Variants in MTHFD2L observed in about 807,000 individuals in gnomAD.
The protein encoded by MTHFD2L is bifunctional methylenetetrahydrofolate dehydrogenase/cyclohydrolase 2, mitochondrial.
A neutral mutation model predicts 34.9 loss-of-function variants in MTHFD2L; 29 were observed. The ratio of observed to expected loss-of-function variants is 0.83; its 90% CI spans 0.62 to 1.13. MTHFD2L has a LOEUF of 1.13. MTHFD2L is among the 50% of genes most tolerant of loss of function. The pLI is 0.00. For missense variants in MTHFD2L, 481 were observed against 446.5 expected, an observed-to-expected ratio of 1.08 and a Z score of -0.70; for synonymous variants, 167 against 155.7, an observed-to-expected ratio of 1.07 and a Z score of -0.54.
chr4:74,237,569 G>A lies in MTHFD2L; in HGVS notation c.805+12175G>A, dbSNP rs13131607. Among the ~76,000 whole-genome samples, 799 of 152,222 alleles carry A rather than the reference G, an allele frequency of 5.2e-3. 1 individual carries two copies. Among genetic ancestry groups the A allele is most frequent in the Middle Eastern group, 0.014 (4 of 294 alleles). On this transcript the variant is annotated intron_variant, in intron 6 of 7. Coordinates refer to ENST00000325278, the MANE Select transcript of MTHFD2L (RefSeq NM_001144978.3). ...GAGGCTGTGGCAGTGAGCTGAGATCGCATCACTGCACTCCTGCCTGGGTGA... is the reference window on the plus strand; with the variant it reads ...GAGGCTGTGGCAGTGAGCTGAGATCACATCACTGCACTCCTGCCTGGGTGA...
chr4:74,235,735 G>A (rs1046934849), intron 6 of MTHFD2L, among the ~76,000 whole-genome samples: 3 of 152,076 alleles, frequency 2.0e-5, no homozygotes, highest in Non-Finnish European at 4.4e-5. Context: ...TATACCTAGT[G>A]CCAATGAAAG....
At chr4:74,134,238 C>G (rs1333817281) in intron 1 of MTHFD2L, among the ~76,000 whole-genome samples, 1 of 152,086 alleles carries the variant, frequency 6.6e-6, no homozygotes, top group Admixed American at 6.6e-5. Context: ...CATCCTCAGC[C>G]GTAAAAACTC....
intron 3 of MTHFD2L, among the ~76,000 whole-genome samples, chr4:74,177,193 TATATC>T (rs954369683): frequency 1.3e-5 from 2 of 151,958 alleles, no homozygotes; most frequent in African/African-American, 4.8e-5. Context: ...GCAGCACTCT[TATATC>T]ATAGGAAAAT....
chr4:74,278,773 G>T (rs1264229347), intron 6 of MTHFD2L, among the ~76,000 whole-genome samples: 1 of 152,062 alleles, frequency 6.6e-6, no homozygotes, highest in Non-Finnish European at 1.5e-5. Flanking sequence ...CAGTCCCACC[G>T]CTGGCCTAGA....
At position 74,199,778 on chromosome 4, in the gene MTHFD2L, T is replaced by G; in HGVS notation, c.452-16T>G. The G allele has an allele frequency of 6.3e-7, 1 of 1,576,138 alleles. No homozygotes were observed. The highest frequency in any genetic ancestry group is 8.6e-7 in the Non-Finnish European group (1 of 1,163,214). On this transcript the variant is annotated splice_polypyrimidine_tract_variant and intron_variant, in intron 3 of 7. Coordinates refer to ENST00000325278, the MANE Select transcript of MTHFD2L (RefSeq NM_001144978.3). Reference sequence around the variant, plus strand: ...ATAACAATTTTAAAATTAGACAAATTTTATTTATTTTTCAGACCACGTTGA... The same window carrying G: ...ATAACAATTTTAAAATTAGACAAATGTTATTTATTTTTCAGACCACGTTGA...
chr4:74,154,050 T>C (rs1724098707), upstream of MTHFD2L, among the ~76,000 whole-genome samples: 1 of 152,242 alleles, frequency 6.6e-6, no homozygotes, highest in East Asian at 1.9e-4. Flanking sequence ...TCTTAGACTT[T>C]CCTTGTTTTT....
At chr4:74,166,574 C>A (rs1043643938) in intron 1 of MTHFD2L, among the ~76,000 whole-genome samples, 1 of 152,190 alleles carries the variant, frequency 6.6e-6, no homozygotes, top group African/African-American at 2.4e-5. Flanking sequence ...CCCATTTGGT[C>A]TGTTTGTTGA....
chr4:74,228,738 A>G (rs1290368140), intron 6 of MTHFD2L, among the ~76,000 whole-genome samples: 3 of 152,236 alleles, frequency 2.0e-5, no homozygotes, highest in African/African-American at 7.2e-5. Context: ...ACAGGAAAAG[A>G]AAAAGAAAAG....
chr4:74,243,964 C>T (rs549968278), intron 6 of MTHFD2L, among the ~76,000 whole-genome samples: 14 of 152,256 alleles, frequency 9.2e-5, no homozygotes, highest in African/African-American at 2.6e-4. Context: ...GTAGGTGTGA[C>T]GGAACAATCT....
chr4:74,231,932 A>C (rs1167065765), intron 6 of MTHFD2L, among the ~76,000 whole-genome samples: 1 of 152,218 alleles, frequency 6.6e-6, no homozygotes, highest in East Asian at 1.9e-4. Context: ...AACCTTTTGC[A>C]TAGTGTAATC....
At chr4:74,175,103 A>C (rs1187802967) in intron 2 of MTHFD2L, among the ~76,000 whole-genome samples, 178 bp from the exon 3 acceptor site, 1 of 152,186 alleles carries the variant, frequency 6.6e-6, no homozygotes, top group Non-Finnish European at 1.5e-5. Context: ...TTCCAGGCCA[A>C]AGAATACATG....
chr4:74,267,038 T>G (rs765546618), intron 6 of MTHFD2L: 90 of 985,294 alleles, frequency 9.1e-5, no homozygotes, highest in Non-Finnish European at 1.1e-4. Context: ...CCCCTCTACC[T>G]CTTTTCAACT....
At chr4:74,197,704 T>G (rs1330919897) in intron 3 of MTHFD2L, among the ~76,000 whole-genome samples, 1 of 152,194 alleles carries the variant, frequency 6.6e-6, no homozygotes, top group Non-Finnish European at 1.5e-5. Context: ...TCCTTGAACT[T>G]GTCTTTAAAA....
rs549304770 is a variant in MTHFD2L at position 74,231,193 on chromosome 4, A to G, written c.805+5799A>G. On this transcript the variant is annotated intron_variant, in intron 6 of 7. Coordinates refer to ENST00000325278, the MANE Select transcript of MTHFD2L (RefSeq NM_001144978.3). ...TTCATACTTACTTGTCATAAAGTACAAAGTGACCAACGAATTTCCTTTCAC... is the reference window on the plus strand; with the variant it reads ...TTCATACTTACTTGTCATAAAGTACGAAGTGACCAACGAATTTCCTTTCAC... 1.2e-4 allele frequency among the ~76,000 whole-genome samples: 18 copies of G among 152,298 alleles called. No homozygotes were observed. In the South Asian group the frequency reaches 3.7e-3, roughly 32 times the overall value.
At chr4:74,198,732 T>G (rs764161142) in intron 3 of MTHFD2L, among the ~76,000 whole-genome samples, 4 of 152,164 alleles carry the variant, frequency 2.6e-5, no homozygotes, top group Non-Finnish European at 5.9e-5. Context: ...TGCTAAAACA[T>G]TCTAGACTGA....
intron 7 of MTHFD2L, 83 bp from the exon 8 acceptor site, chr4:74,301,614 C>A: frequency 1.3e-6 from 1 of 759,260 alleles, no homozygotes; most frequent in Non-Finnish European, 2.1e-6. Flanking sequence ...AATGAAGAAT[C>A]ACTATATTCA....
At chr4:74,292,565 C>T (rs1356076828) in intron 7 of MTHFD2L, among the ~76,000 whole-genome samples, 1 of 146,246 alleles carries the variant, frequency 6.8e-6, no homozygotes, top group Admixed American at 6.9e-5. Context: ...TGACTTCAGG[C>T]AAAAGGGATT....
At chr4:74,283,306 A>G (rs1747731979) in intron 7 of MTHFD2L, among the ~76,000 whole-genome samples, 1 of 152,142 alleles carries the variant, frequency 6.6e-6, no homozygotes. Context: ...TGAAAGTAAA[A>G]AGTATTCTGA....
intron 6 of MTHFD2L, among the ~76,000 whole-genome samples, chr4:74,239,937 A>G (rs1360431794): frequency 6.6e-6 from 1 of 152,206 alleles, no homozygotes; most frequent in African/African-American, 2.4e-5. Context: ...ACATTACCAT[A>G]TACATCCTTC....
Sources: gnomAD v4.1 joint callset for allele counts (sites outside exome capture counted in the v4.1 genomes callset) on GRCh38, gnomAD v4.1.1 for gene constraint, MANE v1.5 for transcripts, NCBI Gene and HGNC (gene_info 2026-07-23, HGNC 2026-07-21) for gene names.